Variants in PUS10 observed in about 807,000 individuals in gnomAD.
PUS10 encodes tRNA pseudouridine synthase Pus10.
Under a neutral mutation model 75.0 loss-of-function variants are expected in PUS10, and 59 were observed. The ratio of observed to expected loss-of-function variants is 0.79; its 90% confidence interval spans 0.64 to 0.98. The LOEUF (loss-of-function observed/expected upper bound fraction) is 0.98. PUS10 is among the 50% of genes least tolerant of loss of function. The probability of loss-of-function intolerance (pLI) is 0.00; values close to 1 mark genes in which losing one functional copy is unlikely to be tolerated. For synonymous variants in PUS10, 219 were observed against 211.6 expected (o/e 1.03, Z -0.30); for missense variants, 650 against 614.4 (o/e 1.06, Z -0.61).
chr2:61,000,515 G>C (rs913054582), intron 4 of PUS10, among the ~76,000 whole-genome samples: 1 of 152,178 alleles, frequency 6.6e-6, no homozygotes, highest in African/African-American at 2.4e-5. Flanking sequence ...CCCTTCTGGA[G>C]GCTGTAAGTA....
At chr2:61,010,264 T>A (rs1050278799) in intron 2 of PUS10, 2 of 154,852 alleles carry the variant, frequency 1.3e-5, no homozygotes, top group African/African-American at 4.8e-5. Flanking sequence ...TGTGTATAAA[T>A]GAATATACAC....
At chr2:60,960,359 A>AG in intron 11 of PUS10, 33 bp downstream of exon 11, 2 of 1,459,644 alleles carry the variant, frequency 1.4e-6, no homozygotes, top group South Asian at 1.5e-5. Context: ...AAAAAAAAAA[A>AG]AGAAAGAAAA....
chr2:60,971,650 T>C, intron 4 of PUS10, 93 bp from the exon 5 acceptor site: 2 of 1,185,752 alleles, frequency 1.7e-6, no homozygotes, highest in Non-Finnish European at 2.5e-6. Context: ...TGCTTAACTA[T>C]TTGCTAATCA....
chr2:60,976,354 A>G (rs1677032191), intron 4 of PUS10, among the ~76,000 whole-genome samples: 1 of 152,226 alleles, frequency 6.6e-6, no homozygotes, highest in African/African-American at 2.4e-5. Context: ...TCCCTCTTCA[A>G]TGAAATCTGA....
At chr2:60,971,790 G>A (rs1676679467) in intron 4 of PUS10, among the ~76,000 whole-genome samples, 1 of 151,890 alleles carries the variant, frequency 6.6e-6, no homozygotes, top group Non-Finnish European at 1.5e-5. Flanking sequence ...ATTCAGCCGG[G>A]GTATCCCCCT....
Position 61,008,748 on chromosome 2 carries a change from A to C in PUS10, c.381+13T>G. On this transcript the variant is annotated intron_variant, in intron 3 of 17. Coordinates refer to ENST00000316752, the MANE Select transcript of PUS10 (RefSeq NM_144709.4). ...TACATAATTGCACCTATAATGAAAA[A>C]CAGGTTATTTACCTTTTTAATGAAA... is the stretch of plus-strand genomic sequence containing the variant. 6.5e-7 allele frequency: 1 copy of C among 1,538,568 alleles called. No homozygotes were observed. Among genetic ancestry groups the C allele is most frequent in the Non-Finnish European group, 8.8e-7 (1 of 1,134,722 alleles).
intron 4 of PUS10, among the ~76,000 whole-genome samples, chr2:61,005,545 A>G (rs942943928): frequency 3.3e-5 from 5 of 152,218 alleles, no homozygotes; most frequent in African/African-American, 1.2e-4. Flanking sequence ...CTTTCACTAA[A>G]GTGACAGTCA....
chr2:61,007,566 C>T (rs1018743677), intron 3 of PUS10, among the ~76,000 whole-genome samples: 2 of 151,742 alleles, frequency 1.3e-5, no homozygotes, highest in Middle Eastern at 3.4e-3. Context: ...GTCAGGAGTT[C>T]GAGACCAGAC....
At chr2:61,003,912 C>A (rs1035883863) in intron 4 of PUS10, among the ~76,000 whole-genome samples, 2 of 152,110 alleles carry the variant, frequency 1.3e-5, no homozygotes, top group Non-Finnish European at 2.9e-5. Context: ...ATAATAAATA[C>A]TACCATATTG....
In PUS10 at chr2:61,018,107, C is replaced by G; in HGVS notation, c.-115G>C. The G allele has an allele frequency of 6.5e-7, 1 of 1,545,764 alleles. No homozygotes were observed. The highest frequency in any genetic ancestry group is 2.4e-5 in the East Asian group (1 of 40,992). ...CTGGGCGTCTCTCTGGGTCTCTGTGCTTGAAAGAAAGGGGGGCGGCTTCCT... is the reference window on the plus strand; with the variant it reads ...CTGGGCGTCTCTCTGGGTCTCTGTGGTTGAAAGAAAGGGGGGCGGCTTCCT... On this transcript the variant is annotated 5_prime_UTR_variant, in exon 1 of 18. Transcript: ENST00000316752.
intron 4 of PUS10, among the ~76,000 whole-genome samples, chr2:60,972,841 T>C (rs1215191583): frequency 1.3e-5 from 2 of 152,238 alleles, no homozygotes; most frequent in Non-Finnish European, 2.9e-5. Context: ...GATGATCACT[T>C]GGAAAGATTA....
At chr2:60,966,482 G>A (rs1267540866) in intron 6 of PUS10, 1 of 151,876 alleles carries the variant, frequency 6.6e-6, no homozygotes, top group East Asian at 1.9e-4. Context: ...TAATTAAAAT[G>A]AACAACGCAT....
chr2:60,949,744 A>G (rs1675221460), intron 15 of PUS10, among the ~76,000 whole-genome samples: 1 of 152,216 alleles, frequency 6.6e-6, no homozygotes, highest in South Asian at 2.1e-4. Flanking sequence ...GGACCATTAA[A>G]AAAGACCCTT....
chr2:61,016,990 C>CA (rs1052150371), intron 1 of PUS10, among the ~76,000 whole-genome samples: 22 of 152,224 alleles, frequency 1.4e-4, no homozygotes, highest in African/African-American at 5.3e-4. Flanking sequence ...CCTCAAGCCT[C>CA]AGTTTTCGCC....
chr2:60,981,519 T>C (rs1377404280), intron 4 of PUS10, among the ~76,000 whole-genome samples: 1 of 152,206 alleles, frequency 6.6e-6, no homozygotes, highest in African/African-American at 2.4e-5. Flanking sequence ...TGACCTCAGG[T>C]GATCTGCCTG....
intron 4 of PUS10, among the ~76,000 whole-genome samples, chr2:60,979,047 T>C (rs894845594): frequency 6.6e-6 from 1 of 152,128 alleles, no homozygotes; most frequent in East Asian, 1.9e-4. Context: ...ATGACAATAG[T>C]TGTGTGGGCA....
intron 4 of PUS10, among the ~76,000 whole-genome samples, chr2:60,988,010 A>G (rs1677828994): frequency 6.6e-6 from 1 of 151,674 alleles, no homozygotes; most frequent in African/African-American, 2.4e-5. Flanking sequence ...AATCTCTTGA[A>G]CCTGGGAGGA....
intron 4 of PUS10, among the ~76,000 whole-genome samples, chr2:60,986,976 G>A (rs1677762562): frequency 6.6e-6 from 1 of 152,156 alleles, no homozygotes. Context: ...GTTAATTGTT[G>A]TTTTTATAAT....
At chr2:61,004,001 C>T (rs1679032864) in intron 4 of PUS10, among the ~76,000 whole-genome samples, 1 of 152,112 alleles carries the variant, frequency 6.6e-6, no homozygotes, top group Admixed American at 6.6e-5. Context: ...TTCAAATGGA[C>T]TCAATTATAT....
Sources: gnomAD v4.1 joint callset for allele counts (sites outside exome capture counted in the v4.1 genomes callset) on GRCh38, gnomAD v4.1.1 for gene constraint, MANE v1.5 for transcripts, NCBI Gene and HGNC (gene_info 2026-07-23, HGNC 2026-07-21) for gene names.